The following CFAP54 variants were observed in gnomAD, a reference collection of about 807,000 sequenced individuals.
The protein encoded by CFAP54 is cilia- and flagella-associated protein 54.
CFAP54 carries 290 observed loss-of-function variants against 370.4 expected under a neutral mutation model. That is an observed-to-expected ratio of 0.78 (90% CI 0.71 to 0.86). CFAP54 has a LOEUF of 0.86. Ranked by LOEUF, CFAP54 falls within the 40% of genes least tolerant of loss-of-function variation. CFAP54 has a pLI of 0.00. For missense variants in CFAP54, 3,399 were observed against 3,528.7 expected (o/e 0.96, Z 0.93); for synonymous variants, 1,206 against 1,236.5 (o/e 0.98, Z 0.52).
chr12:96,866,729 A>G (rs1960015520), intron 67 of CFAP54, among the ~76,000 whole-genome samples: 1 of 152,238 alleles, frequency 6.6e-6, no homozygotes, highest in Admixed American at 6.5e-5. Context: ...TTCGGAACTA[A>G]TGTAGAAAAT....
chr12:96,826,951 A>T (rs1959121572), intron 65 of CFAP54, among the ~76,000 whole-genome samples: 1 of 128,724 alleles, frequency 7.8e-6, no homozygotes, highest in African/African-American at 3.2e-5. Context: ...ATGTATGATT[A>T]TATATAATAT....
At chr12:96,523,012 T>C (rs1161374222) in intron 8 of CFAP54, among the ~76,000 whole-genome samples, 1 of 152,206 alleles carries the variant, frequency 6.6e-6, no homozygotes, top group Non-Finnish European at 1.5e-5. Flanking sequence ...CTTGTCTTTT[T>C]CTTCTTCTTC....
chr12:96,548,704 C>T (rs966357711), intron 15 of CFAP54, among the ~76,000 whole-genome samples: 1 of 152,174 alleles, frequency 6.6e-6, no homozygotes. Flanking sequence ...GACTGACATG[C>T]ATAAGAGATT....
intron 26 of CFAP54, among the ~76,000 whole-genome samples, chr12:96,599,676 C>A (rs1271306813): frequency 6.6e-6 from 1 of 152,126 alleles, no homozygotes; most frequent in Non-Finnish European, 1.5e-5. Flanking sequence ...TCTGCTGTTT[C>A]CTGACTTTTT....
chr12:96,533,661 C>T (rs7980193), intron 9 of CFAP54, 131 bp from the exon 10 acceptor site: 8,396 of 699,672 alleles, frequency 0.012, 183 homozygotes, highest in African/African-American at 0.07. Flanking sequence ...TTTCTTGTTT[C>T]CCCCACTAGA....
chr12:96,641,639 T>G (rs11108602), intron 32 of CFAP54, among the ~76,000 whole-genome samples: 1 of 151,844 alleles, frequency 6.6e-6, no homozygotes, highest in African/African-American at 2.4e-5. Context: ...GTATGTTTAT[T>G]GCGGCACTAT....
chr12:96,790,134 G>T (rs1259742795), intron 62 of CFAP54, among the ~76,000 whole-genome samples: 1 of 152,068 alleles, frequency 6.6e-6, no homozygotes, highest in Non-Finnish European at 1.5e-5. Context: ...AACAAAGGTG[G>T]CAAACAAGTT....
chr12:96,769,851 A>C (rs983505304), intron 60 of CFAP54, among the ~76,000 whole-genome samples: 2 of 152,214 alleles, frequency 1.3e-5, no homozygotes, highest in African/African-American at 4.8e-5. Context: ...CTATTGTCAG[A>C]ATACAAAAAG....
At chr12:96,559,107 T>C (rs1462208068) in intron 17 of CFAP54, among the ~76,000 whole-genome samples, 1 of 151,972 alleles carries the variant, frequency 6.6e-6, no homozygotes, top group East Asian at 1.9e-4. Flanking sequence ...TCCCAGCTAC[T>C]TGGGAGGCTG....
intron 32 of CFAP54, among the ~76,000 whole-genome samples, chr12:96,638,513 C>T (rs369292200): frequency 2.6e-5 from 4 of 152,060 alleles, no homozygotes; most frequent in South Asian, 4.2e-4. Flanking sequence ...GCTGGGATTA[C>T]AGGCATGAGC....
intron 19 of CFAP54, chr12:96,572,939 T>G: frequency 1.0e-6 from 1 of 985,400 alleles, no homozygotes. Flanking sequence ...GATGCAAGAA[T>G]TAAGTCAGAA....
rs748242268 is a variant in CFAP54, at chr12:96,589,434, A to T, written c.3083A>T (p.Tyr1028Phe). ...TARMFLTQVAYQVGNYELAKK... is the reference protein window; with the variant it reads ...TARMFLTQVAFQVGNYELAKK... ...ATGTGCTTTTTGTTATAGGTTGCCT[A>T]TCAAGTTGGTAACTATGAATTGGCT... The change falls in exon 23 of 68, where the codon TAT (tyrosine) becomes TTT (phenylalanine). Residue 1028 changes from tyrosine to phenylalanine, a missense_variant. Tyr to Phe is a conservative substitution (Grantham distance 22). Coordinates refer to ENST00000524981, the MANE Select transcript of CFAP54 (RefSeq NM_001306084.2). The T allele has an allele frequency of 4.6e-6, 7 of 1,529,944 alleles. No homozygotes were observed. In the South Asian group the frequency reaches 7.2e-5, roughly 16 times the overall value. 94.8% of individuals were successfully genotyped at this position (1,529,944 alleles called of 1,614,324 possible).
chr12:96,613,812 A>T (rs974189496), intron 26 of CFAP54, among the ~76,000 whole-genome samples: 4 of 152,226 alleles, frequency 2.6e-5, no homozygotes, highest in African/African-American at 9.6e-5. Flanking sequence ...TCCCAAGACT[A>T]AACCAGGAAG....
At chr12:96,755,039 C>T (rs1389968956) in intron 56 of CFAP54, among the ~76,000 whole-genome samples, 1 of 152,132 alleles carries the variant, frequency 6.6e-6, no homozygotes. Context: ...CCACCAGGCC[C>T]AGCCTGCTAA....
intron 32 of CFAP54, among the ~76,000 whole-genome samples, chr12:96,637,456 G>A (rs1436474804): frequency 6.6e-6 from 1 of 152,098 alleles, no homozygotes; most frequent in Non-Finnish European, 1.5e-5. Context: ...AACTTTCAAA[G>A]TAGAATGCTT....
intron 60 of CFAP54, among the ~76,000 whole-genome samples, chr12:96,773,615 C>T (rs1592753780): frequency 1.3e-5 from 2 of 152,290 alleles, no homozygotes; most frequent in East Asian, 3.9e-4. Flanking sequence ...TATAACTGTA[C>T]ACATAATAAT....
Position 96,527,378 on chromosome 12 carries a change from A to G in CFAP54, c.1291A>G (p.Thr431Ala). Residue 431 changes from threonine (T) to alanine (A), a missense_variant, in exon 9 of 68, where the codon ACA (threonine) becomes GCA (alanine). Thr to Ala is a moderately conservative substitution (Grantham distance 58). Transcript: ENST00000524981. ...RRILQTGPIV[T>A]DEVEIHDVVS... ...AATACTGCAAACTGGACCCATTGTT[A>G]CAGATGAAGTGGAGATTCATGATGT... 1 of 1,535,206 alleles carries G rather than the reference A, an allele frequency of 6.5e-7. No homozygotes were observed. The highest frequency in any genetic ancestry group is 8.7e-7 in the Non-Finnish European group (1 of 1,146,408).
chr12:96,549,122 G>T (rs1365113624), intron 15 of CFAP54, among the ~76,000 whole-genome samples: 2 of 152,154 alleles, frequency 1.3e-5, no homozygotes, highest in African/African-American at 4.8e-5. Flanking sequence ...CCAAAGTGCT[G>T]GGATTACAGG....
chr12:96,730,347 T>C (rs1218520730), intron 50 of CFAP54, among the ~76,000 whole-genome samples: 1 of 152,108 alleles, frequency 6.6e-6, no homozygotes, highest in Non-Finnish European at 1.5e-5. Flanking sequence ...CCACCAAAGA[T>C]AGCACCGAGT....
Sources: allele counts gnomAD v4.1 joint callset (sites outside exome capture counted in the v4.1 genomes callset), GRCh38; gene constraint gnomAD v4.1.1; transcripts MANE v1.5; gene names NCBI Gene and HGNC (gene_info 2026-07-23, HGNC 2026-07-21).